Variants in CMTM8 observed in about 807,000 individuals in gnomAD.
The protein encoded by CMTM8 is CKLF like MARVEL transmembrane domain containing 8, also known as CKLF-like MARVEL transmembrane domain-containing protein 8.
In CMTM8, 12 loss-of-function variants were observed where a neutral mutation model predicts 18.6. The ratio of observed to expected loss-of-function variants is 0.65; its 90% CI spans 0.41 to 1.05. CMTM8 has a LOEUF of 1.05. CMTM8 is among the 50% of genes least tolerant of loss of function. The probability of loss-of-function intolerance (pLI) is 0.00; values close to 1 mark genes in which losing one functional copy is unlikely to be tolerated. For synonymous variants in CMTM8, 87 were observed against 90.6 expected, an observed-to-expected ratio of 0.96 and a Z score of 0.23; for missense variants, 217 against 227.2, an observed-to-expected ratio of 0.95 and a Z score of 0.29.
At chr3:32,274,547 C>T (rs1338675062) in intron 1 of CMTM8, among the ~76,000 whole-genome samples, 1 of 152,080 alleles carries the variant, frequency 6.6e-6, no homozygotes, top group Admixed American at 6.6e-5. Context: ...TTTTATGGAA[C>T]CAATTGAGAG....
chr3:32,311,595 C>G (rs1189063538), intron 1 of CMTM8, among the ~76,000 whole-genome samples: 23 of 152,212 alleles, frequency 1.5e-4, no homozygotes, highest in Non-Finnish European at 1.0e-4. Context: ...GATTCTTAAT[C>G]CCATGTGCAA....
chr3:32,240,315 C>G (rs1489322178), intron 1 of CMTM8, among the ~76,000 whole-genome samples: 2 of 152,190 alleles, frequency 1.3e-5, no homozygotes, highest in Admixed American at 6.5e-5. Context: ...AGCTCCTCTC[C>G]CAGCTGGTTC....
At chr3:32,254,315 A>G (rs759472176) in intron 1 of CMTM8, among the ~76,000 whole-genome samples, 2 of 152,188 alleles carry the variant, frequency 1.3e-5, no homozygotes, top group African/African-American at 2.4e-5. Context: ...TCTAATTCCA[A>G]AACACTTCAT....
chr3:32,293,356 A>T (rs143442588), intron 1 of CMTM8, among the ~76,000 whole-genome samples: 4,177 of 151,944 alleles, frequency 0.027, 195 homozygotes, highest in African/African-American at 0.095. Flanking sequence ...TTTGAGACCA[A>T]CCTGGCCAAC....
At chr3:32,346,467 G>A (rs1251694663) in intron 1 of CMTM8, among the ~76,000 whole-genome samples, 1 of 152,210 alleles carries the variant, frequency 6.6e-6, no homozygotes, top group Non-Finnish European at 1.5e-5. Flanking sequence ...TCATAATGCT[G>A]TAGACAAAGT....
chr3:32,282,400 T>C (rs549885188), intron 1 of CMTM8, among the ~76,000 whole-genome samples: 2 of 152,328 alleles, frequency 1.3e-5, no homozygotes, highest in South Asian at 4.1e-4. Context: ...TGATCAGGGT[T>C]ATTTGAATAT....
At chr3:32,362,325 G>A (rs958398841) in intron 2 of CMTM8, among the ~76,000 whole-genome samples, 1 of 152,092 alleles carries the variant, frequency 6.6e-6, no homozygotes, top group African/African-American at 2.4e-5. Flanking sequence ...TTACAGGCGA[G>A]AGCCACCGCA....
At chr3:32,367,419 A>G (rs1346203458) in intron 2 of CMTM8, among the ~76,000 whole-genome samples, 3 of 152,154 alleles carry the variant, frequency 2.0e-5, no homozygotes, top group Non-Finnish European at 2.9e-5. Flanking sequence ...ATGGGGGGTT[A>G]GGGAATCAGC....
intron 1 of CMTM8, among the ~76,000 whole-genome samples, chr3:32,315,733 T>C (rs1695914866): frequency 6.6e-6 from 1 of 152,218 alleles, no homozygotes; most frequent in African/African-American, 2.4e-5. Flanking sequence ...TCATAAAATA[T>C]TTCTGAGAAC....
chr3:32,335,522 A>G (rs1035679058), intron 1 of CMTM8, among the ~76,000 whole-genome samples: 4 of 152,190 alleles, frequency 2.6e-5, no homozygotes, highest in Non-Finnish European at 5.9e-5. Flanking sequence ...ACTTGTTTTC[A>G]GGGGCCAGGT....
At chr3:32,320,456 A>C (rs1389865095) in intron 1 of CMTM8, among the ~76,000 whole-genome samples, 3 of 152,194 alleles carry the variant, frequency 2.0e-5, no homozygotes, top group African/African-American at 7.2e-5. Flanking sequence ...ATGAGTGGTT[A>C]CCTTGGCCTG....
chr3:32,311,203 A>G (rs1468208436), intron 1 of CMTM8, among the ~76,000 whole-genome samples: 2 of 152,202 alleles, frequency 1.3e-5, no homozygotes, highest in East Asian at 3.8e-4. Flanking sequence ...ATATTTTTTA[A>G]CGGTTGCGGA....
At chr3:32,246,254 T>C (rs1162040740) in intron 1 of CMTM8, among the ~76,000 whole-genome samples, 1 of 152,140 alleles carries the variant, frequency 6.6e-6, no homozygotes, top group Non-Finnish European at 1.5e-5. Flanking sequence ...CCCCCTGCCA[T>C]CTGATGTCCC....
Position 32,366,571 on chromosome 3 carries a change from A to G in CMTM8, c.322-1301A>G, listed in dbSNP as rs540059829. On this transcript the variant is annotated intron_variant, in intron 2 of 3. Transcript: ENST00000307526. Reference sequence around the variant, plus strand: ...AGATGTTCGTTGCAGTAGCATTTGTAATCCTTGAAAAATTAGCAACATTGA... The same window carrying G: ...AGATGTTCGTTGCAGTAGCATTTGTGATCCTTGAAAAATTAGCAACATTGA... Among the ~76,000 whole-genome samples, 14 of 152,348 alleles carry G rather than the reference A, an allele frequency of 9.2e-5. No homozygotes were observed. In the South Asian group the frequency reaches 2.7e-3, roughly 29 times the overall value.
intron 1 of CMTM8, among the ~76,000 whole-genome samples, chr3:32,330,710 G>C (rs1251223172): frequency 6.6e-6 from 1 of 151,698 alleles, no homozygotes; most frequent in Non-Finnish European, 1.5e-5. Flanking sequence ...TGGAAAAATG[G>C]ACAAACATAC....
At chr3:32,311,699 A>G (rs1481360157) in intron 1 of CMTM8, among the ~76,000 whole-genome samples, 2 of 151,958 alleles carry the variant, frequency 1.3e-5, no homozygotes, top group Non-Finnish European at 2.9e-5. Context: ...TTCCCCCCAC[A>G]CCAACCGATT....
intron 1 of CMTM8, among the ~76,000 whole-genome samples, chr3:32,310,508 C>T (rs1695799566): frequency 6.6e-6 from 1 of 152,166 alleles, no homozygotes; most frequent in African/African-American, 2.4e-5. Context: ...CTAGGCCGGA[C>T]TTAAAAATAG....
At chr3:32,369,787 AG>A (rs1695613226) in intron 3 of CMTM8, 96 bp from the exon 4 acceptor site, 1 of 650,776 alleles carries the variant, frequency 1.5e-6, no homozygotes, top group Non-Finnish European at 2.7e-6. Context: ...TATCAAGAAA[AG>A]GTAGTGAGTG....
At chr3:32,329,188 C>T (rs1696224433) in intron 1 of CMTM8, among the ~76,000 whole-genome samples, 1 of 152,150 alleles carries the variant, frequency 6.6e-6, no homozygotes, top group Non-Finnish European at 1.5e-5. Context: ...GCCTCAGCCT[C>T]CTGAGTAGCT....
Sources: allele counts gnomAD v4.1 joint callset (sites outside exome capture counted in the v4.1 genomes callset), GRCh38; gene constraint gnomAD v4.1.1; transcripts MANE v1.5; gene names NCBI Gene and HGNC (gene_info 2026-07-23, HGNC 2026-07-21).